The following CCSER1 variants were observed in gnomAD, a reference collection of about 807,000 sequenced individuals.
The protein encoded by CCSER1 is serine-rich coiled-coil domain-containing protein 1.
In CCSER1, 41 loss-of-function variants were observed where a neutral mutation model predicts 82.0. The ratio of observed to expected loss-of-function variants is 0.50; its 90% confidence interval spans 0.39 to 0.65. The LOEUF is 0.65. Ranked by LOEUF, CCSER1 falls within the 30% of genes least tolerant of loss-of-function variation. CCSER1 has a pLI of 0.00. For missense variants in CCSER1, 1,119 were observed against 1,064.2 expected, an observed-to-expected ratio of 1.05 and a Z score of -0.72; for synonymous variants, 414 against 383.9, an observed-to-expected ratio of 1.08 and a Z score of -0.92.
intron 5 of CCSER1, among the ~76,000 whole-genome samples, chr4:90,569,688 G>A (rs974557385): frequency 1.2e-4 from 18 of 152,292 alleles, no homozygotes; most frequent in African/African-American, 4.3e-4. Flanking sequence ...TTGCTGCATT[G>A]CGTTGTTTCA....
intron 5 of CCSER1, among the ~76,000 whole-genome samples, chr4:90,581,877 C>CTTT (rs34230137): frequency 6.9e-6 from 1 of 145,732 alleles, no homozygotes; most frequent in African/African-American, 2.5e-5. Context: ...AAAGGAATGA[C>CTTT]TTTTTTTTTT....
At chr4:91,411,483 C>CATAT (rs1292774196) in intron 10 of CCSER1, among the ~76,000 whole-genome samples, 11 of 69,252 alleles carry the variant, frequency 1.6e-4, no homozygotes, top group East Asian at 2.5e-3. Flanking sequence ...TAAATTTCTG[C>CATAT]ATATATACAT....
intron 5 of CCSER1, among the ~76,000 whole-genome samples, chr4:90,600,874 A>G (rs1394407963): frequency 1.3e-5 from 2 of 151,976 alleles, no homozygotes; most frequent in Non-Finnish European, 2.9e-5. Flanking sequence ...AGGTCTTTAT[A>G]TAAGCAATAT....
chr4:90,280,494 G>T (rs769389272), intron 1 of CCSER1, among the ~76,000 whole-genome samples: 14 of 151,894 alleles, frequency 9.2e-5, no homozygotes, highest in Non-Finnish European at 1.8e-4. Flanking sequence ...AAAGGGAATT[G>T]CAGGACTGTG....
intron 7 of CCSER1, among the ~76,000 whole-genome samples, chr4:90,762,986 G>A (rs148678958): frequency 1.4e-3 from 206 of 152,032 alleles, no homozygotes; most frequent in African/African-American, 4.7e-3. Context: ...GCAGTGAGGA[G>A]CCAAGGAATA....
At chr4:90,920,636 GT>G (rs1561366219) in intron 8 of CCSER1, among the ~76,000 whole-genome samples, 2 of 151,446 alleles carry the variant, frequency 1.3e-5, no homozygotes, top group Non-Finnish European at 3.0e-5. Context: ...TCTTTTGTAC[GT>G]CCCCTCTCCA....
chr4:90,313,211 A>C, intron 3 of CCSER1, 164 bp downstream of exon 3: 3 of 616,614 alleles, frequency 4.9e-6, no homozygotes, highest in Non-Finnish European at 8.5e-6. Context: ...CAAATTTTTC[A>C]CCTAGGTCAG....
chr4:90,159,315 G>C (rs1281039708), intron 1 of CCSER1, among the ~76,000 whole-genome samples: 1 of 152,102 alleles, frequency 6.6e-6, no homozygotes, highest in Non-Finnish European at 1.5e-5. Context: ...AAAGCACTGG[G>C]ATTAAAGGCA....
chr4:90,415,751 CAT>C (rs1387285657), intron 4 of CCSER1, among the ~76,000 whole-genome samples: 1 of 152,176 alleles, frequency 6.6e-6, no homozygotes, highest in Non-Finnish European at 1.5e-5. Flanking sequence ...TTCGGCTACT[CAT>C]AGGATTATCT....
chr4:90,425,029 C>G (rs960644345), intron 4 of CCSER1, among the ~76,000 whole-genome samples: 3 of 152,166 alleles, frequency 2.0e-5, no homozygotes, highest in African/African-American at 7.2e-5. Context: ...TTTCCTCTAA[C>G]TAACTTTATG....
intron 3 of CCSER1, among the ~76,000 whole-genome samples, chr4:90,376,196 TG>T (rs1413614373): frequency 2.6e-5 from 4 of 152,190 alleles, no homozygotes; most frequent in Non-Finnish European, 5.9e-5. Context: ...AGGCTGCCTG[TG>T]GTTACTCAGG....
intron 7 of CCSER1, among the ~76,000 whole-genome samples, chr4:90,802,497 G>T (rs1166069036): frequency 6.6e-6 from 1 of 151,528 alleles, no homozygotes; most frequent in African/African-American, 2.4e-5. Flanking sequence ...TCTTAAGTGA[G>T]CATATAAAGA....
At chr4:90,271,019 T>C (rs1425899609) in intron 1 of CCSER1, among the ~76,000 whole-genome samples, 1 of 152,176 alleles carries the variant, frequency 6.6e-6, no homozygotes, top group Non-Finnish European at 1.5e-5. Context: ...AGATATTCCA[T>C]GTTCATGGAT....
At chr4:90,979,208 A>G (rs928529831) in intron 9 of CCSER1, among the ~76,000 whole-genome samples, 1 of 151,510 alleles carries the variant, frequency 6.6e-6, no homozygotes, top group Admixed American at 6.6e-5. Flanking sequence ...CATTTTAAAT[A>G]TTTTTTAAAG....
intron 7 of CCSER1, among the ~76,000 whole-genome samples, chr4:90,775,534 G>A (rs1445404113): frequency 6.6e-6 from 1 of 152,134 alleles, no homozygotes; most frequent in Non-Finnish European, 1.5e-5. Flanking sequence ...GTAAGTTGAT[G>A]TTTTTTAAAT....
intron 4 of CCSER1, among the ~76,000 whole-genome samples, chr4:90,436,105 A>G (rs1248306090): frequency 6.6e-6 from 1 of 152,170 alleles, no homozygotes; most frequent in Non-Finnish European, 1.5e-5. Flanking sequence ...CTTGACACAG[A>G]TAAAAATTAA....
chr4:90,146,941 T>A (rs1196375245), intron 1 of CCSER1, among the ~76,000 whole-genome samples: 1 of 152,104 alleles, frequency 6.6e-6, no homozygotes, highest in East Asian at 1.9e-4. Flanking sequence ...AAATATTCAT[T>A]TTTATGATCT....
chr4:90,995,987 G>A (rs927088973), intron 9 of CCSER1, among the ~76,000 whole-genome samples: 19 of 151,756 alleles, frequency 1.3e-4, no homozygotes, highest in East Asian at 9.7e-4. Flanking sequence ...AGATTTTGTC[G>A]AATCTATATT....
At chr4:91,207,977 C>G (rs1457653080) in intron 10 of CCSER1, among the ~76,000 whole-genome samples, 1 of 151,878 alleles carries the variant, frequency 6.6e-6, no homozygotes, top group Non-Finnish European at 1.5e-5. Context: ...TTCTAATGAT[C>G]AGTGATGTTG....
Sources: allele counts gnomAD v4.1 joint callset (sites outside exome capture counted in the v4.1 genomes callset), GRCh38; gene constraint gnomAD v4.1.1; transcripts MANE v1.5; gene names NCBI Gene and HGNC (gene_info 2026-07-23, HGNC 2026-07-21).